NPAS3: variants seen among roughly 807,000 people sequenced by gnomAD.
NPAS3 encodes the protein neuronal PAS domain protein 3.
Under a neutral mutation model 73.1 loss-of-function variants are expected in NPAS3, and 14 were observed. The observed-to-expected ratio is 0.19, with a 90% CI of 0.13 to 0.30. The LOEUF (loss-of-function observed/expected upper bound fraction) is 0.30, where lower values mean the gene tolerates loss of function less well. Ranked by LOEUF, NPAS3 falls within the 10% of genes least tolerant of loss-of-function variation. NPAS3 has a pLI of 1.00. For missense variants in NPAS3, 1,096 were observed against 1,250.0 expected (o/e 0.88, Z 1.86); for synonymous variants, 620 against 541.5 (o/e 1.14, Z -2.01).
chr14:33,593,395 T>G (rs1368935331), intron 5 of NPAS3, among the ~76,000 whole-genome samples: 3 of 152,180 alleles, frequency 2.0e-5, no homozygotes, highest in Non-Finnish European at 4.4e-5. Flanking sequence ...GCATGATACA[T>G]GGGAAATGCT....
rs3059410 is a variant in NPAS3 at position 33,672,701 on chromosome 14, G to GA, written c.559-3495dup. ...TCACCTGGTGAGTACCCATAAGAGA[G>GA]AAAAAAAAAAAAAAATCAGACAAGG... On this transcript the variant is annotated intron_variant, in intron 5 of 11. Coordinates refer to ENST00000356141, the Ensembl canonical transcript of NPAS3. 2.0e-3 allele frequency among the ~76,000 whole-genome samples: 285 copies of GA among 145,078 alleles called. 1 individual carries two copies. Among genetic ancestry groups the GA allele is most frequent in the Middle Eastern group, 7.5e-3 (2 of 268 alleles).
chr14:33,670,350 A>G (rs532493099), intron 5 of NPAS3, among the ~76,000 whole-genome samples: 2 of 152,274 alleles, frequency 1.3e-5, no homozygotes, highest in Admixed American at 1.3e-4. Flanking sequence ...ACTAATTTAT[A>G]CACGTATTTC....
intron 2 of NPAS3, among the ~76,000 whole-genome samples, chr14:33,080,210 C>G (rs1379307543): frequency 6.6e-6 from 1 of 151,886 alleles, no homozygotes; most frequent in Non-Finnish European, 1.5e-5. Context: ...GGGGTTCACA[C>G]CATTCTCCTG....
intron 5 of NPAS3, among the ~76,000 whole-genome samples, chr14:33,609,104 C>A (rs1236423041): frequency 6.6e-6 from 1 of 152,138 alleles, no homozygotes; most frequent in Non-Finnish European, 1.5e-5. Flanking sequence ...CGGCACTGAA[C>A]TTTCCCTGCC....
intron 3 of NPAS3, among the ~76,000 whole-genome samples, chr14:33,338,771 C>A (rs2044342024): frequency 6.6e-6 from 1 of 152,078 alleles, no homozygotes; most frequent in African/African-American, 2.4e-5. Context: ...AATTTGTTTG[C>A]CATTATACAT....
intron 1 of NPAS3, among the ~76,000 whole-genome samples, chr14:32,988,544 CTGT>C (rs2038189062): frequency 6.6e-6 from 1 of 152,158 alleles, no homozygotes; most frequent in Non-Finnish European, 1.5e-5. Flanking sequence ...TTCAACTGGT[CTGT>C]TGTTATATGA....
intron 2 of NPAS3, among the ~76,000 whole-genome samples, chr14:33,133,460 A>C (rs1012364996): frequency 1.8e-4 from 28 of 152,220 alleles, no homozygotes; most frequent in African/African-American, 6.8e-4. Context: ...GTTCATAGTC[A>C]TAAGTGTGTA....
chr14:33,721,858 A>G (rs1445163607), intron 6 of NPAS3, among the ~76,000 whole-genome samples: 1 of 152,192 alleles, frequency 6.6e-6, no homozygotes, highest in South Asian at 2.1e-4. Flanking sequence ...TACTAATGAC[A>G]TGCAAATGGA....
At chr14:33,424,676 A>G (rs10134290) in intron 4 of NPAS3, among the ~76,000 whole-genome samples, 86,214 of 151,180 alleles carry the variant, frequency 0.57, 26,513 homozygotes, top group African/African-American at 0.8. Flanking sequence ...CTTGGACAGC[A>G]AAGGGAAGGT....
chr14:33,259,988 T>C (rs1015775197), intron 3 of NPAS3, among the ~76,000 whole-genome samples: 5 of 151,930 alleles, frequency 3.3e-5, no homozygotes, highest in African/African-American at 4.8e-5. Flanking sequence ...TGAACAGACA[T>C]TGGGGGCTGG....
rs955047308 is a variant in NPAS3, at chr14:33,289,844, C to T, written c.385+74418C>T. Reference sequence around the variant, plus strand: ...CTCAAAAAAAAAAAAAAAATCTATTCTTGTCTTTACCCCAGAAATTGGCTG... The same window carrying T: ...CTCAAAAAAAAAAAAAAAATCTATTTTTGTCTTTACCCCAGAAATTGGCTG... On this transcript the variant is annotated intron_variant, in intron 3 of 11. Transcript: ENST00000356141. 4.6e-5 allele frequency among the ~76,000 whole-genome samples: 7 copies of T among 151,416 alleles called. No homozygotes were observed. In the South Asian group the frequency reaches 1.3e-3, roughly 27 times the overall value.
chr14:33,007,397 T>G (rs1266965281), intron 1 of NPAS3, among the ~76,000 whole-genome samples: 1 of 152,210 alleles, frequency 6.6e-6, no homozygotes, highest in Non-Finnish European at 1.5e-5. Context: ...TATATATATG[T>G]TTTCAAAATG....
At chr14:33,607,105 T>C (rs181864607) in intron 5 of NPAS3, among the ~76,000 whole-genome samples, 1 of 152,196 alleles carries the variant, frequency 6.6e-6, no homozygotes, top group East Asian at 1.9e-4. Context: ...TTGAGAAAAA[T>C]AGTTTAGCAA....
chr14:33,114,892 GA>G (rs1372815800), intron 2 of NPAS3, among the ~76,000 whole-genome samples: 1 of 152,112 alleles, frequency 6.6e-6, no homozygotes, highest in Non-Finnish European at 1.5e-5. Context: ...GTAATTAAAA[GA>G]TGCAAAAATG....
At chr14:33,072,529 A>G (rs573312896) in intron 2 of NPAS3, among the ~76,000 whole-genome samples, 2 of 152,324 alleles carry the variant, frequency 1.3e-5, no homozygotes, top group South Asian at 2.1e-4. Context: ...AGCGTGGGCT[A>G]CTGTCCTTGC....
At chr14:33,270,902 C>T (rs972274505) in intron 3 of NPAS3, among the ~76,000 whole-genome samples, 2 of 152,118 alleles carry the variant, frequency 1.3e-5, no homozygotes, top group African/African-American at 4.8e-5. Context: ...CAAATACCCT[C>T]TAAGTATAGG....
chr14:32,964,460 C>T (rs2037066481), intron 1 of NPAS3, among the ~76,000 whole-genome samples: 1 of 152,130 alleles, frequency 6.6e-6, no homozygotes, highest in Non-Finnish European at 1.5e-5. Flanking sequence ...AACTCTCAAC[C>T]TCCTGATTAC....
At chr14:33,436,200 A>G (rs943253553) in intron 4 of NPAS3, among the ~76,000 whole-genome samples, 4 of 152,212 alleles carry the variant, frequency 2.6e-5, no homozygotes, top group East Asian at 1.9e-4. Context: ...TTTCTCGTGC[A>G]TGTAAGTTTA....
At chr14:33,157,636 G>GGT (rs2044694988) in intron 2 of NPAS3, among the ~76,000 whole-genome samples, 1 of 152,214 alleles carries the variant, frequency 6.6e-6, no homozygotes, top group Admixed American at 6.5e-5. Flanking sequence ...CTGTGGTTCA[G>GGT]GTGATCCATG....
Sources: gnomAD v4.1 joint callset for allele counts (sites outside exome capture counted in the v4.1 genomes callset) on GRCh38, gnomAD v4.1.1 for gene constraint, MANE v1.5 for transcripts, NCBI Gene and HGNC (gene_info 2026-07-23, HGNC 2026-07-21) for gene names.